Variants in DENND6B observed in about 807,000 individuals in gnomAD.
DENND6B encodes the protein protein DENND6B.
DENND6B carries 73 observed loss-of-function variants against 85.1 expected under a neutral mutation model. That is an observed-to-expected ratio of 0.86 (90% CI 0.71 to 1.04). DENND6B has a LOEUF of 1.04. Among genes scored for constraint, DENND6B ranks in the 50% least tolerant of loss-of-function variants. The probability of loss-of-function intolerance (pLI) is 0.00; values close to 1 mark genes in which losing one functional copy is unlikely to be tolerated. For synonymous variants in DENND6B, 357 were observed against 329.3 expected (o/e 1.08, Z -0.91); for missense variants, 715 against 785.8 (o/e 0.91, Z 1.08).
In DENND6B at chr22:50,311,903, G is replaced by T. The variant is rs560811505; in HGVS notation, c.*236C>A. 8 of 670,592 alleles carry T rather than the reference G, an allele frequency of 1.2e-5. No individual in the cohort carries two copies. The East Asian group carries it at 2.4e-4, about 20-fold the overall frequency. 41.5% of individuals were successfully genotyped at this position (670,592 alleles called of 1,614,324 possible). A position where few individuals can be genotyped will look rare whatever the true frequency, so the allele number is the denominator to read the frequency against. On this transcript the variant is annotated 3_prime_UTR_variant, in exon 20 of 20. Coordinates refer to ENST00000413817, the MANE Select transcript of DENND6B (RefSeq NM_001001794.4). ...CCAGCCTAAGGTCTGCAGAGGCCAG[G>T]TGGGACCCAGGAGGAGGCAAGGCTC...
In DENND6B at chr22:50,326,800, G is replaced by C; in HGVS notation, c.177+12C>G. The C allele has an allele frequency of 2.9e-6, 4 of 1,377,560 alleles. No homozygotes were observed. The highest frequency in any genetic ancestry group is 1.5e-5 in the African/African-American group (1 of 65,372). 85.3% of individuals were successfully genotyped at this position (1,377,560 alleles called of 1,614,324 possible). ...TGCCCACCCGCCCGCGCCCGCGCTC[G>C]CGCCCGCTCACCTCCAGCGCCTGGC... On this transcript the variant is annotated intron_variant, in intron 1 of 19. Transcript: ENST00000413817.
intron 1 of DENND6B, among the ~76,000 whole-genome samples, chr22:50,321,744 G>A (rs2042051686): frequency 1.3e-5 from 2 of 152,134 alleles, no homozygotes; most frequent in African/African-American, 2.4e-5. Flanking sequence ...ACAGCTCATT[G>A]CAGCCTCGAC....
intron 5 of DENND6B, 62 bp downstream of exon 5, chr22:50,317,231 C>T: frequency 6.3e-7 from 1 of 1,591,238 alleles, no homozygotes; most frequent in Non-Finnish European, 8.6e-7. Context: ...CACAGCCCCT[C>T]CTGCTGCCTG....
At chr22:50,316,790 A>G (rs2041836241) in intron 5 of DENND6B, 2 of 1,271,292 alleles carry the variant, frequency 1.6e-6, no homozygotes, top group Non-Finnish European at 2.0e-6. Context: ...CTCTCTGCCT[A>G]TGGCTTCCAG....
At chr22:50,313,376 C>T in intron 16 of DENND6B, 70 bp downstream of exon 16, 6 of 1,513,162 alleles carry the variant, frequency 4.0e-6, no homozygotes, top group Admixed American at 4.3e-5. Flanking sequence ...TGCTCCAGAC[C>T]TTCCCTCCTC....
At chr22:50,313,552 ATCCCCCGCAGCCCC>A in intron 15 of DENND6B, 53 bp from the exon 16 acceptor site, 6 of 389,514 alleles carry the variant, frequency 1.5e-5, no homozygotes, top group Non-Finnish European at 1.8e-5. Flanking sequence ...CCCCAGCCCC[ATCCCCCGCAGCCCC>A]GTCCCCCCCA....
chr22:50,326,656 G>A (rs1264203104), intron 1 of DENND6B, among the ~76,000 whole-genome samples, 156 bp downstream of exon 1: 2 of 152,248 alleles, frequency 1.3e-5, no homozygotes, highest in Non-Finnish European at 1.5e-5. Flanking sequence ...TCGGCCTGGG[G>A]AGCGCTTCTG....
intron 1 of DENND6B, among the ~76,000 whole-genome samples, chr22:50,325,879 A>T (rs187703648): frequency 6.6e-6 from 1 of 152,310 alleles, no homozygotes; most frequent in East Asian, 1.9e-4. Flanking sequence ...CTTGGAGTTC[A>T]GCAGGGCCTT....
intron 13 of DENND6B, 72 bp downstream of exon 13, chr22:50,314,135 C>A (rs552059657): frequency 2.7e-4 from 409 of 1,504,636 alleles, no homozygotes; most frequent in Admixed American, 3.6e-4. Flanking sequence ...GGCTGCCCCA[C>A]CCGAGAGACC....
At chr22:50,322,842 G>A (rs185299766) in intron 1 of DENND6B, among the ~76,000 whole-genome samples, 39 of 144,410 alleles carry the variant, frequency 2.7e-4, no homozygotes, top group African/African-American at 9.2e-4. Flanking sequence ...GAGCCACCGT[G>A]CCCAGCCTTA....
At position 50,317,347 on chromosome 22, in the gene DENND6B, G is replaced by C. The variant is rs373480065; in HGVS notation, c.399C>G (p.Tyr133Ter). 4 of 1,613,036 alleles carry C rather than the reference G, an allele frequency of 2.5e-6. No homozygotes were observed. In the Admixed American group the frequency reaches 6.7e-5, roughly 27 times the overall value. The change falls in exon 5 of 20, where the codon TAC becomes TAG. Residue 133 changes from tyrosine (Y) to a stop codon, truncating the protein, a stop_gained. Coordinates refer to ENST00000413817, the MANE Select transcript of DENND6B (RefSeq NM_001001794.4). LOFTEE classifies it high-confidence loss of function. ...TGTCCTTCACCTGCCTGAAGTACAC[G>C]TAGCCGAAGTAGTGTGCCGGCTCCC... ...LQREPAHYFG[Y>*]VYFRQVKDSS...
intron 5 of DENND6B, 37 bp from the exon 6 acceptor site, chr22:50,316,512 A>AG: frequency 6.4e-7 from 1 of 1,552,284 alleles, no homozygotes; most frequent in Non-Finnish European, 8.7e-7. Flanking sequence ...GCCCAGTGCC[A>AG]GGCCTCACCC....
At chr22:50,321,723 G>A (rs560034886) in intron 1 of DENND6B, among the ~76,000 whole-genome samples, 1 of 152,192 alleles carries the variant, frequency 6.6e-6, no homozygotes, top group Non-Finnish European at 1.5e-5. Context: ...CTGGAGTGCA[G>A]TGGTGCGAAC....
At chr22:50,314,151 G>C (rs1365432938) in intron 13 of DENND6B, 56 bp downstream of exon 13, 1 of 1,541,610 alleles carries the variant, frequency 6.5e-7, no homozygotes, top group African/African-American at 1.4e-5. Flanking sequence ...AGACCCGCCA[G>C]GTACAAGACA....
chr22:50,325,390 C>T (rs1156364280), intron 1 of DENND6B, among the ~76,000 whole-genome samples: 1 of 140,974 alleles, frequency 7.1e-6, no homozygotes, highest in African/African-American at 2.7e-5. Flanking sequence ...CAAGCTGGAG[C>T]GCAATGGTGC....
chr22:50,318,085 G>A (rs2041914428), intron 3 of DENND6B, 65 bp from the exon 4 acceptor site: 1 of 1,541,484 alleles, frequency 6.5e-7, no homozygotes, highest in Non-Finnish European at 8.9e-7. Context: ...CCCTGGAGCT[G>A]GTGACCGGGG....
At chr22:50,315,882 A>G in intron 8 of DENND6B, 113 bp from the exon 9 acceptor site, 1 of 1,510,172 alleles carries the variant, frequency 6.6e-7, no homozygotes, top group African/African-American at 1.4e-5. Context: ...GCCCTACACC[A>G]ACACACAGCC....
At chr22:50,319,631 G>A (rs1239174856) in intron 1 of DENND6B, among the ~76,000 whole-genome samples, 3 of 152,084 alleles carry the variant, frequency 2.0e-5, no homozygotes, top group Non-Finnish European at 4.4e-5. Context: ...TGGTCACGGG[G>A]CCCCGCCTGG....
chr22:50,312,653 T>A lies in DENND6B; in HGVS notation c.1458-28A>T, dbSNP rs991324843. On this transcript the variant is annotated intron_variant, in intron 17 of 19. Coordinates refer to ENST00000413817, the MANE Select transcript of DENND6B (RefSeq NM_001001794.4). ...GTGGGGATTAACAGGCGGGGGGCCA[T>A]GGGGCTGACCCTGGGGATTGACAGG... 7.9e-6 allele frequency: 12 copies of A among 1,528,496 alleles called. No homozygotes were observed. In the African/African-American group the frequency reaches 1.6e-4, roughly 20 times the overall value. 94.7% of individuals were successfully genotyped at this position (1,528,496 alleles called of 1,614,324 possible). A position where few individuals can be genotyped will look rare whatever the true frequency, so the allele number is the denominator to read the frequency against.
Sources: allele counts gnomAD v4.1 joint callset (sites outside exome capture counted in the v4.1 genomes callset), GRCh38; gene constraint gnomAD v4.1.1; transcripts MANE v1.5; gene names NCBI Gene and HGNC (gene_info 2026-07-23, HGNC 2026-07-21).